Variants in TCF4 observed in about 807,000 individuals in gnomAD.
TCF4 encodes the protein transcription factor 4.
A neutral mutation model predicts 82.1 loss-of-function variants in TCF4; 3 were observed. The ratio of observed to expected loss-of-function variants is 0.04; its 90% CI spans 0.02 to 0.09. The LOEUF (loss-of-function observed/expected upper bound fraction) is 0.09, where lower values mean the gene tolerates loss of function less well. Among genes scored for constraint, TCF4 ranks in the 10% least tolerant of loss-of-function variants. The probability of loss-of-function intolerance (pLI) is 1.00; values close to 1 mark genes in which losing one functional copy is unlikely to be tolerated. For synonymous variants in TCF4, 276 were observed against 309.6 expected (o/e 0.89, Z 1.14); for missense variants, 518 against 852.7 (o/e 0.61, Z 4.89).
chr18:55,411,883 C>T (rs571545119), intron 5 of TCF4, among the ~76,000 whole-genome samples: 11 of 151,966 alleles, frequency 7.2e-5, no homozygotes, highest in South Asian at 2.1e-4. Flanking sequence ...TGGGATTACA[C>T]GCATGTGCCA....
At chr18:55,322,009 T>C (rs2075617627) in intron 8 of TCF4, 6 of 1,211,980 alleles carry the variant, frequency 5.0e-6, no homozygotes, top group African/African-American at 3.1e-5. Flanking sequence ...TCGATTCAAC[T>C]TTTCCGAGGG....
intron 15 of TCF4, among the ~76,000 whole-genome samples, chr18:55,248,102 CA>C (rs2145229719): frequency 6.6e-6 from 1 of 152,242 alleles, no homozygotes; most frequent in East Asian, 1.9e-4. Context: ...CTCAAATAGA[CA>C]CAGAACTTTA....
intron 2 of TCF4, among the ~76,000 whole-genome samples, chr18:55,628,698 A>G (rs1006656734): frequency 3.9e-5 from 6 of 152,226 alleles, no homozygotes; most frequent in Admixed American, 3.9e-4. Context: ...CTAGGCCAGA[A>G]TTAACCAAAA....
chr18:55,435,332 A>G (rs2095306230), intron 5 of TCF4, among the ~76,000 whole-genome samples: 1 of 152,218 alleles, frequency 6.6e-6, no homozygotes, highest in African/African-American at 2.4e-5. Context: ...TTTTTATTAA[A>G]TAGTCTTAGA....
At chr18:55,514,047 T>C (rs2096855231) in intron 3 of TCF4, among the ~76,000 whole-genome samples, 1 of 152,188 alleles carries the variant, frequency 6.6e-6, no homozygotes, top group African/African-American at 2.4e-5. Flanking sequence ...GCTTTGCATG[T>C]AAATTCTTTC....
At chr18:55,459,786 A>C (rs1011815139) in intron 5 of TCF4, among the ~76,000 whole-genome samples, 4 of 152,180 alleles carry the variant, frequency 2.6e-5, no homozygotes, top group Non-Finnish European at 5.9e-5. Context: ...TTAAAACGTA[A>C]ATATGAAATT....
At chr18:55,470,310 TTGTTC>T (rs1175277876) in intron 3 of TCF4, among the ~76,000 whole-genome samples, 1 of 152,212 alleles carries the variant, frequency 6.6e-6, no homozygotes, top group African/African-American at 2.4e-5. Flanking sequence ...TTATGACTCC[TTGTTC>T]TGCTAAACAG....
chr18:55,446,688 C>G (rs1206489245), intron 5 of TCF4, among the ~76,000 whole-genome samples: 1 of 151,994 alleles, frequency 6.6e-6, no homozygotes, highest in Non-Finnish European at 1.5e-5. Context: ...AGTGAGTACC[C>G]AAAAATCTTA....
chr18:55,471,784 T>A (rs1309389778), intron 3 of TCF4, among the ~76,000 whole-genome samples: 4 of 147,302 alleles, frequency 2.7e-5, no homozygotes, highest in Non-Finnish European at 6.0e-5. Context: ...AAAAAAAAGA[T>A]AAGTCAAATA....
intron 6 of TCF4, among the ~76,000 whole-genome samples, chr18:55,372,778 C>A (rs1245793735): frequency 6.6e-6 from 1 of 152,034 alleles, no homozygotes; most frequent in Non-Finnish European, 1.5e-5. Context: ...TCAACCTCAA[C>A]ATGAGAGGTA....
chr18:55,397,569 C>T (rs2146322270), intron 6 of TCF4, among the ~76,000 whole-genome samples: 1 of 152,198 alleles, frequency 6.6e-6, no homozygotes. Flanking sequence ...AGGAACAGCT[C>T]TAGTTTAAAA....
chr18:55,412,744 T>C (rs762400695), intron 5 of TCF4, among the ~76,000 whole-genome samples: 1 of 152,172 alleles, frequency 6.6e-6, no homozygotes, highest in Non-Finnish European at 1.5e-5. Context: ...CCTGGCTAAA[T>C]ATTTTGGAAT....
At chr18:55,277,485 T>C (rs1181113734) in intron 9 of TCF4, among the ~76,000 whole-genome samples, 1 of 152,220 alleles carries the variant, frequency 6.6e-6, no homozygotes, top group Non-Finnish European at 1.5e-5. Context: ...TAAATTATGC[T>C]TTTCACAGTA....
chr18:55,235,511 T>C lies in TCF4; in HGVS notation c.1351-828A>G, dbSNP rs984140875. On this transcript the variant is annotated intron_variant, in intron 15 of 19. Transcript: ENST00000354452. ...TGCTTCCAAGAATAAAATTATAGAG[T>C]ACAGCATGATTACTTCATTAAAAAA... 7.2e-5 allele frequency among the ~76,000 whole-genome samples: 11 copies of C among 152,002 alleles called. No individual in the cohort carries two copies. The South Asian group carries it at 2.1e-3, about 29-fold the overall frequency.
At chr18:55,587,569 C>A (rs2097662658) in intron 1 of TCF4, among the ~76,000 whole-genome samples, 1 of 151,418 alleles carries the variant, frequency 6.6e-6, no homozygotes, top group South Asian at 2.1e-4. Flanking sequence ...CCACCCTGCA[C>A]CCCACCCCCC....
At chr18:55,380,212 G>A (rs1050535565) in intron 6 of TCF4, among the ~76,000 whole-genome samples, 1 of 151,820 alleles carries the variant, frequency 6.6e-6, no homozygotes, top group Non-Finnish European at 1.5e-5. Context: ...CCATCTTCTC[G>A]TGGTATCCTC....
chr18:55,605,488 G>A (rs183738368), intron 2 of TCF4, among the ~76,000 whole-genome samples: 11 of 152,304 alleles, frequency 7.2e-5, no homozygotes, highest in Admixed American at 2.6e-4. Context: ...TTGGAAGGTG[G>A]ACTGTTCTTC....
intron 8 of TCF4, among the ~76,000 whole-genome samples, chr18:55,348,615 C>T (rs1355671763): frequency 1.3e-5 from 2 of 152,052 alleles, no homozygotes; most frequent in African/African-American, 4.8e-5. Flanking sequence ...TCTAAAGGGG[C>T]CAGTTAGCTA....
rs2082192813 is a variant in TCF4, at chr18:55,350,932, C to T, written c.441G>A (p.Gln147=). Reference sequence around the variant, plus strand: ...GATTATTGCTAGAATACTGATAGTACTGGGAACCAGGTTTGGTGGGCGAAA... The same window carrying T: ...GATTATTGCTAGAATACTGATAGTATTGGGAACCAGGTTTGGTGGGCGAAA... ...GTLSPTKPGS[Q]YYQYSSNNPR... is the part of the protein sequence containing the mutation. The change falls in exon 7 of 20, where the codon CAG becomes CAA. Residue 147 remains glutamine (Q), a synonymous_variant. Transcript: ENST00000354452. 1 of 1,613,550 alleles carries T rather than the reference C, an allele frequency of 6.2e-7. No homozygotes were observed. The highest frequency in any genetic ancestry group is 1.1e-5 in the South Asian group (1 of 91,082).
Sources: gnomAD v4.1 joint callset for allele counts (sites outside exome capture counted in the v4.1 genomes callset) on GRCh38, gnomAD v4.1.1 for gene constraint, MANE v1.5 for transcripts, NCBI Gene and HGNC (gene_info 2026-07-23, HGNC 2026-07-21) for gene names.